Variants in RAMP1 observed in about 807,000 individuals in gnomAD.
RAMP1 encodes the protein receptor activity modifying protein 1, also known as receptor activity-modifying protein 1.
Under a neutral mutation model 8.2 loss-of-function variants are expected in RAMP1, and 7 were observed. The observed-to-expected ratio is 0.85, with a 90% CI of 0.49 to 1.60. The LOEUF (loss-of-function observed/expected upper bound fraction) is 1.60. Among genes scored for constraint, RAMP1 ranks in the 40% most tolerant of loss-of-function variants. The pLI is 0.00. For missense variants in RAMP1, 192 were observed against 202.4 expected (o/e 0.95, Z 0.31); for synonymous variants, 92 against 84.7 (o/e 1.09, Z -0.47).
Position 237,902,214 on chromosome 2 carries a change from C to T in RAMP1, c.192-9314C>T, listed in dbSNP as rs112056701. ...TGAGTGAGGATGCCCCACTGCCACC[C>T]GGAGCAAGGCTGGAGTGAGGATGAG... On this transcript the variant is annotated intron_variant, in intron 2 of 2. Coordinates refer to ENST00000254661, the MANE Select transcript of RAMP1 (RefSeq NM_005855.4). Among the ~76,000 whole-genome samples, 886 of 151,126 alleles carry T rather than the reference C, an allele frequency of 5.9e-3. 3 individuals are homozygous for T. The highest frequency in any genetic ancestry group is 0.01 in the Non-Finnish European group (693 of 67,740).
chr2:237,879,667 A>G (rs1312158405), intron 2 of RAMP1, among the ~76,000 whole-genome samples: 4 of 131,294 alleles, frequency 3.0e-5, no homozygotes, highest in Non-Finnish European at 6.3e-5. Context: ...CGTTGTGCAC[A>G]TGTGCCCTAG....
At chr2:237,875,164 A>G (rs997565399) in intron 1 of RAMP1, among the ~76,000 whole-genome samples, 4 of 151,898 alleles carry the variant, frequency 2.6e-5, no homozygotes, top group African/African-American at 9.7e-5. Context: ...GGGCTTTCCT[A>G]GGGGGCATCT....
chr2:237,873,235 T>C (rs2062264133), intron 1 of RAMP1, among the ~76,000 whole-genome samples: 1 of 152,214 alleles, frequency 6.6e-6, no homozygotes, highest in African/African-American at 2.4e-5. Context: ...TCTGAGATTC[T>C]CTCTCTACAA....
intron 2 of RAMP1, among the ~76,000 whole-genome samples, chr2:237,900,357 C>T (rs896392812): frequency 2.6e-5 from 4 of 152,120 alleles, no homozygotes; most frequent in East Asian, 1.9e-4. Flanking sequence ...GATGGGGTTT[C>T]GCCATGCTGC....
At chr2:237,859,813 CGGGTGGGA>C in intron 1 of RAMP1, 86 bp downstream of exon 1, 1 of 286,758 alleles carries the variant, frequency 3.5e-6, no homozygotes, top group Non-Finnish European at 7.0e-6. Flanking sequence ...CGGGTGGGAG[CGGGTGGGA>C]GCGGGTGGGG....
At chr2:237,859,617 G>A (rs2150999534), upstream of RAMP1, 2 of 1,217,580 alleles carry the variant, frequency 1.6e-6, no homozygotes, top group Non-Finnish European at 1.0e-6. Flanking sequence ...GCGCCGCGGC[G>A]GGCTCAGTCC....
At chr2:237,883,599 T>C (rs1412722323) in intron 2 of RAMP1, among the ~76,000 whole-genome samples, 1 of 152,108 alleles carries the variant, frequency 6.6e-6, no homozygotes, top group Non-Finnish European at 1.5e-5. Flanking sequence ...AAGAATTACT[T>C]AAGCCCAGGA....
At chr2:237,904,748 G>A (rs1203165211) in intron 2 of RAMP1, among the ~76,000 whole-genome samples, 1 of 152,208 alleles carries the variant, frequency 6.6e-6, no homozygotes, top group African/African-American at 2.4e-5. Context: ...TATACGTCAT[G>A]AGCCAGTCAA....
At chr2:237,872,219 G>C (rs2062253353) in intron 1 of RAMP1, among the ~76,000 whole-genome samples, 1 of 152,156 alleles carries the variant, frequency 6.6e-6, no homozygotes, top group East Asian at 1.9e-4. Flanking sequence ...AGGAGAGGCG[G>C]CTCGGCAGCC....
intron 2 of RAMP1, among the ~76,000 whole-genome samples, chr2:237,899,709 A>G (rs1367153147): frequency 2.6e-5 from 4 of 152,234 alleles, no homozygotes; most frequent in African/African-American, 4.8e-5. Context: ...ATGTCATGCC[A>G]TCTCAAGAGG....
At chr2:237,863,910 CA>C (rs1292223719) in intron 1 of RAMP1, among the ~76,000 whole-genome samples, 3 of 152,086 alleles carry the variant, frequency 2.0e-5, no homozygotes, top group African/African-American at 7.2e-5. Context: ...CCGCCAGGGT[CA>C]GCACCACCTC....
At chr2:237,897,701 T>G (rs188119824) in intron 2 of RAMP1, among the ~76,000 whole-genome samples, 136 of 150,904 alleles carry the variant, frequency 9.0e-4, no homozygotes, top group Admixed American at 3.2e-3. Flanking sequence ...CAGATCCACG[T>G]GTCTTAGTGG....
Position 237,911,510 on chromosome 2 carries a change from C to G in RAMP1, c.192-18C>G. On this transcript the variant is annotated intron_variant, in intron 2 of 2. Coordinates refer to ENST00000254661, the MANE Select transcript of RAMP1 (RefSeq NM_005855.4). ...CCCCGCCTGCCCAGGGTCTTACCAC[C>G]TCCTCTTCCATCCGCAGGAGCTACA... 1 of 1,613,250 alleles carries G rather than the reference C, an allele frequency of 6.2e-7. No homozygotes were observed. The highest frequency in any genetic ancestry group is 1.7e-5 in the Admixed American group (1 of 60,024).
intron 2 of RAMP1, among the ~76,000 whole-genome samples, chr2:237,890,631 T>C (rs1447103999): frequency 6.6e-6 from 1 of 152,272 alleles, no homozygotes; most frequent in Non-Finnish European, 1.5e-5. Context: ...TGATTTATTT[T>C]GACTTTCTAG....
chr2:237,902,666 C>A (rs2062614667), intron 2 of RAMP1, among the ~76,000 whole-genome samples: 1 of 152,110 alleles, frequency 6.6e-6, no homozygotes, highest in African/African-American at 2.4e-5. Flanking sequence ...TGCACGCCTC[C>A]CCCATGAGCC....
At chr2:237,871,295 G>T (rs1265007123) in intron 1 of RAMP1, among the ~76,000 whole-genome samples, 2 of 152,218 alleles carry the variant, frequency 1.3e-5, no homozygotes, top group Non-Finnish European at 2.9e-5. Flanking sequence ...GAGAGGAGGA[G>T]CTCAGACAGC....
In RAMP1 at chr2:237,892,276, CTTTTTTT is replaced by C. The variant is rs201847138; in HGVS notation, c.191+14928_191+14934del. 2.6e-3 allele frequency among the ~76,000 whole-genome samples: 352 copies of C among 134,382 alleles called. 1 individual carries two copies. The highest frequency in any genetic ancestry group is 0.012 in the South Asian group (50 of 4,256). 88.2% of individuals were successfully genotyped at this position (134,382 alleles called of 152,430 possible). ...CCATGTGTTTTTTCTTTCTTTCTTT[CTTTTTTT>C]TTTTTTTTTTTTTGAGACAAGCTGG... On this transcript the variant is annotated intron_variant, in intron 2 of 2. Transcript: ENST00000254661.
chr2:237,911,517 T>C lies in RAMP1; in HGVS notation c.192-11T>C, dbSNP rs936763569. 1.2e-6 allele frequency: 2 copies of C among 1,613,494 alleles called. No homozygotes were observed. The highest frequency in any genetic ancestry group is 4.5e-5 in the East Asian group (2 of 44,870). On this transcript the variant is annotated splice_polypyrimidine_tract_variant and intron_variant, in intron 2 of 2. Coordinates refer to ENST00000254661, the MANE Select transcript of RAMP1 (RefSeq NM_005855.4). ...TGCCCAGGGTCTTACCACCTCCTCT[T>C]CCATCCGCAGGAGCTACAGGGAGCT...
At chr2:237,881,677 G>A (rs751942500) in intron 2 of RAMP1, among the ~76,000 whole-genome samples, 9 of 152,222 alleles carry the variant, frequency 5.9e-5, no homozygotes, top group Non-Finnish European at 1.2e-4. Context: ...GAGTGAATCC[G>A]AACATCTTTC....
Sources: gnomAD v4.1 joint callset for allele counts (sites outside exome capture counted in the v4.1 genomes callset) on GRCh38, gnomAD v4.1.1 for gene constraint, MANE v1.5 for transcripts, NCBI Gene and HGNC (gene_info 2026-07-23, HGNC 2026-07-21) for gene names.